GALNT18: variants seen among roughly 807,000 people sequenced by gnomAD.
GALNT18 encodes GalNAc-transferase 18.
A neutral mutation model predicts 69.5 loss-of-function variants in GALNT18; 44 were observed. The observed-to-expected ratio is 0.63, with a 90% CI of 0.50 to 0.81. The LOEUF is 0.81. Ranked by LOEUF, GALNT18 falls within the 40% of genes least tolerant of loss-of-function variation. The pLI is 0.00. For synonymous variants in GALNT18, 364 were observed against 318.2 expected (o/e 1.14, Z -1.53); for missense variants, 715 against 810.0 (o/e 0.88, Z 1.42).
At position 11,463,529 on chromosome 11, in the gene GALNT18, C is replaced by A. The variant is rs1450627275; in HGVS notation, c.236-14593G>T. Among the ~76,000 whole-genome samples the A allele has an allele frequency of 1.3e-5, 2 of 152,170 alleles. No homozygotes were observed. Among genetic ancestry groups the A allele is most frequent in the Non-Finnish European group, 2.9e-5 (2 of 68,024 alleles). On this transcript the variant is annotated intron_variant, in intron 1 of 10. Coordinates refer to ENST00000227756, the MANE Select transcript of GALNT18 (RefSeq NM_198516.3). The surrounding 1 kb of genome is among the most constrained non-coding windows in gnomAD (Gnocchi z 4.2). ...CCCCTGGGAGCCCTAGCTGTTGTGG[C>A]CCCAGGGCTGAGCGTGCCATCACTC...
At chr11:11,305,750 C>T (rs957520988) in intron 9 of GALNT18, among the ~76,000 whole-genome samples, 3 of 151,524 alleles carry the variant, frequency 2.0e-5, no homozygotes, top group Non-Finnish European at 4.4e-5. Context: ...CAGCAGTCAC[C>T]CCCTTTAGAT....
intron 1 of GALNT18, among the ~76,000 whole-genome samples, chr11:11,551,870 G>C (rs1228615049): frequency 2.4e-4 from 36 of 152,130 alleles, no homozygotes. Flanking sequence ...CTGCGAGCAG[G>C]GGGTGGATCT....
chr11:11,548,604 C>T (rs1858120799), intron 1 of GALNT18, among the ~76,000 whole-genome samples: 1 of 152,214 alleles, frequency 6.6e-6, no homozygotes, highest in Non-Finnish European at 1.5e-5. Context: ...TCCTGCCCAT[C>T]TGCACAAAAT....
At chr11:11,285,690 C>G (rs1849179394) in intron 10 of GALNT18, among the ~76,000 whole-genome samples, 1 of 152,196 alleles carries the variant, frequency 6.6e-6, no homozygotes, top group African/African-American at 2.4e-5. Flanking sequence ...CGATTATTGT[C>G]TTTTCAACAC....
rs1423230131 is a variant in GALNT18 at position 11,590,701 on chromosome 11, T to C, written c.235+30658A>G. 6.6e-6 allele frequency among the ~76,000 whole-genome samples: 1 copy of C among 152,186 alleles called. No individual in the cohort carries two copies. Among genetic ancestry groups the C allele is most frequent in the African/African-American group, 2.4e-5 (1 of 41,438 alleles). On this transcript the variant is annotated intron_variant, in intron 1 of 10. Coordinates refer to ENST00000227756, the MANE Select transcript of GALNT18 (RefSeq NM_198516.3). This position sits in a 1 kb window ranked among gnomAD's most constrained non-coding sequence, Gnocchi z 4.4. Reference sequence around the variant, plus strand: ...GACGTTCGCTCAATGACAGAACACATATACAATGGTGGTCCCGTAAGATTA... The same window carrying C: ...GACGTTCGCTCAATGACAGAACACACATACAATGGTGGTCCCGTAAGATTA...
At chr11:11,429,736 C>T (rs771308197) in intron 3 of GALNT18, among the ~76,000 whole-genome samples, 6 of 152,310 alleles carry the variant, frequency 3.9e-5, no homozygotes, top group Non-Finnish European at 8.8e-5. Context: ...GGCTTTAGTC[C>T]AGAGCTCTGG....
intron 9 of GALNT18, among the ~76,000 whole-genome samples, chr11:11,312,328 A>C (rs1849686207): frequency 1.3e-5 from 2 of 152,274 alleles, no homozygotes; most frequent in South Asian, 4.1e-4. Context: ...TAACATAAAC[A>C]GTTAACACAT....
At chr11:11,369,774 T>G (rs1008501658) in intron 6 of GALNT18, among the ~76,000 whole-genome samples, 1 of 152,132 alleles carries the variant, frequency 6.6e-6, no homozygotes, top group African/African-American at 2.4e-5. Flanking sequence ...TAGTAGCTCC[T>G]TCCTTTTTCT....
intron 2 of GALNT18, among the ~76,000 whole-genome samples, 159 bp downstream of exon 2, chr11:11,448,585 G>C (rs1056957461): frequency 1.3e-5 from 2 of 152,228 alleles, no homozygotes; most frequent in African/African-American, 4.8e-5. Flanking sequence ...GGGAAGAGGA[G>C]AGTGACTTGC....
At position 11,602,037 on chromosome 11, in the gene GALNT18, C is replaced by T. The variant is rs146043581; in HGVS notation, c.235+19322G>A. Among the ~76,000 whole-genome samples the T allele has an allele frequency of 7.5e-3, 1,136 of 152,292 alleles. 19 individuals carry two copies. The highest frequency in any genetic ancestry group is 0.026 in the African/African-American group (1,081 of 41,574). On this transcript the variant is annotated intron_variant, in intron 1 of 10. Coordinates refer to ENST00000227756, the MANE Select transcript of GALNT18 (RefSeq NM_198516.3). This position sits in a 1 kb window ranked among gnomAD's most constrained non-coding sequence, Gnocchi z 4.7. ...AATTGCTTTTATGCTTGGACCTCCT[C>T]ATACTCCATTCCAAATAAAGTCAAA...
chr11:11,403,505 G>A (rs901557), intron 3 of GALNT18, among the ~76,000 whole-genome samples: 58,459 of 152,098 alleles, frequency 0.38, 12,424 homozygotes, highest in Non-Finnish European at 0.49. Flanking sequence ...ACTGAATACT[G>A]TACTTCTAGA....
rs573400321 is a variant in GALNT18 at position 11,584,746 on chromosome 11, C to A, written c.235+36613G>T. 6.6e-6 allele frequency among the ~76,000 whole-genome samples: 1 copy of A among 152,288 alleles called. No homozygotes were observed. Among genetic ancestry groups the A allele is most frequent in the African/African-American group, 2.4e-5 (1 of 41,546 alleles). ...TCTCAAGAGAAAGAGCTTATACAAT[C>A]GAGGTGGACAATGAACTACGTACTT... On this transcript the variant is annotated intron_variant, in intron 1 of 10. Coordinates refer to ENST00000227756, the MANE Select transcript of GALNT18 (RefSeq NM_198516.3). This position sits in a 1 kb window ranked among gnomAD's most constrained non-coding sequence, Gnocchi z 4.1.
chr11:11,355,701 A>G (rs958078142), intron 6 of GALNT18, among the ~76,000 whole-genome samples: 2 of 152,192 alleles, frequency 1.3e-5, no homozygotes, highest in African/African-American at 2.4e-5. Context: ...TGATTTCTCT[A>G]TATTACTACA....
chr11:11,587,790 C>T lies in GALNT18; in HGVS notation c.235+33569G>A, dbSNP rs1859260719. On this transcript the variant is annotated intron_variant, in intron 1 of 10. Coordinates refer to ENST00000227756, the MANE Select transcript of GALNT18 (RefSeq NM_198516.3). This position sits in a 1 kb window ranked among gnomAD's most constrained non-coding sequence, Gnocchi z 4.4. ...AAAAGTCAATGGTTGGTAAAGCCCA[C>T]CCCATCTCTAGCCCCCACCCTTTCA... Among the ~76,000 whole-genome samples the T allele has an allele frequency of 6.6e-6, 1 of 152,052 alleles. No homozygotes were observed. The highest frequency in any genetic ancestry group is 6.6e-5 in the Admixed American group (1 of 15,262).
intron 1 of GALNT18, among the ~76,000 whole-genome samples, chr11:11,453,545 A>G (rs1855853218): frequency 1.3e-5 from 2 of 152,286 alleles, no homozygotes; most frequent in South Asian, 4.1e-4. Context: ...ATAGTCTCTG[A>G]TATGGTTTGG....
At chr11:11,327,616 C>T (rs1849946133) in intron 8 of GALNT18, among the ~76,000 whole-genome samples, 1 of 152,228 alleles carries the variant, frequency 6.6e-6, no homozygotes, top group Non-Finnish European at 1.5e-5. Context: ...CTGCCTCCTG[C>T]AGACCCAGCA....
intron 1 of GALNT18, among the ~76,000 whole-genome samples, chr11:11,547,639 A>G (rs1406936356): frequency 6.6e-6 from 1 of 152,196 alleles, no homozygotes; most frequent in Non-Finnish European, 1.5e-5. Context: ...TTGCTCAAGC[A>G]AGCCCCTGCT....
At chr11:11,306,126 T>C (rs1249493048) in intron 9 of GALNT18, among the ~76,000 whole-genome samples, 1 of 152,204 alleles carries the variant, frequency 6.6e-6, no homozygotes, top group Non-Finnish European at 1.5e-5. Flanking sequence ...GGAGGCTCAA[T>C]ACCTTTTTAG....
intron 1 of GALNT18, among the ~76,000 whole-genome samples, chr11:11,581,269 C>G (rs1056740509): frequency 2.6e-5 from 4 of 152,218 alleles, no homozygotes; most frequent in Non-Finnish European, 4.4e-5. Flanking sequence ...GCCAGTACAA[C>G]AGGCAGGCCT....
Sources: gnomAD v4.1 joint callset for allele counts (sites outside exome capture counted in the v4.1 genomes callset) on GRCh38, gnomAD v4.1.1 for gene constraint, Gnocchi (gnomAD v3.1) non-coding constraint, MANE v1.5 for transcripts, NCBI Gene and HGNC (gene_info 2026-07-23, HGNC 2026-07-21) for gene names.